Variants in SLC28A1 observed in about 807,000 individuals in gnomAD.
SLC28A1 encodes the protein solute carrier family 28 member 1.
SLC28A1 carries 64 observed loss-of-function variants against 74.8 expected under a neutral mutation model. That is an observed-to-expected ratio of 0.86 (90% CI 0.70 to 1.05). SLC28A1 has a LOEUF of 1.05. Among genes scored for constraint, SLC28A1 ranks in the 50% least tolerant of loss-of-function variants. The pLI is 0.00. For missense variants in SLC28A1, 828 were observed against 822.8 expected, an observed-to-expected ratio of 1.01 and a Z score of -0.08; for synonymous variants, 359 against 335.0, an observed-to-expected ratio of 1.07 and a Z score of -0.78.
At chr15:84,951,823 A>C in the SLC28A1 span, among the ~76,000 whole-genome samples, 1 of 152,170 alleles carries the variant, frequency 6.6e-6, no homozygotes, top group Non-Finnish European at 1.5e-5. Context: ...GACTTCAGAG[A>C]AAAAAGAGAG....
chr15:84,944,935 G>A, intron 18 of SLC28A1, 68 bp downstream of exon 18: 2 of 1,249,446 alleles, frequency 1.6e-6, no homozygotes, highest in Non-Finnish European at 2.4e-6. Context: ...AGCGCTGGGG[G>A]GGATGCCTTT....
In SLC28A1 at chr15:84,895,378, G is replaced by C; in HGVS notation, c.461+255G>C. 6.8e-6 allele frequency: 11 copies of C among 1,614,020 alleles called. No homozygotes were observed. The South Asian group carries it at 9.9e-5, about 15-fold the overall frequency. Reference sequence around the variant, plus strand: ...GGACTCAACAGTTTCCTCCATTCAGGGATCCCAGGCCATGGAGCAAGGAGG... The same window carrying C: ...GGACTCAACAGTTTCCTCCATTCAGCGATCCCAGGCCATGGAGCAAGGAGG... On this transcript the variant is annotated intron_variant, in intron 6 of 18. Coordinates refer to ENST00000394573, the MANE Select transcript of SLC28A1 (RefSeq NM_004213.5).
intron 8 of SLC28A1, among the ~76,000 whole-genome samples, chr15:84,906,577 C>CTTTCTTTCTTTCT (rs1567140848): frequency 3.1e-5 from 1 of 32,480 alleles, no homozygotes; most frequent in Non-Finnish European, 7.2e-5. Context: ...TTTCTTTCTT[C>CTTTCTTTCTTTCT]CTTCCTTCCT....
intron 12 of SLC28A1, among the ~76,000 whole-genome samples, chr15:84,928,519 GTTCGTTCGTTCTTTCTTTCTTTCT>G (rs1970765740): frequency 9.3e-5 from 4 of 42,942 alleles, no homozygotes; most frequent in African/African-American, 4.3e-4. Context: ...AAGCTCCCAG[GTTCGTTCGTTCTTTCTTTCTTTCT>G]TTCTTTCTTT....
chr15:84,919,206 T>C (rs1438394458), intron 10 of SLC28A1, among the ~76,000 whole-genome samples: 1 of 152,324 alleles, frequency 6.6e-6, no homozygotes, highest in East Asian at 1.9e-4. Context: ...CAGACTTAGC[T>C]GGTATAAATG....
At chr15:84,952,571 T>C in the SLC28A1 span, among the ~76,000 whole-genome samples, 4 of 152,202 alleles carry the variant, frequency 2.6e-5, no homozygotes, top group African/African-American at 9.6e-5. Flanking sequence ...CAGCAAAACT[T>C]CTGTTTTTCT....
the SLC28A1 span, among the ~76,000 whole-genome samples, chr15:84,956,468 C>CCTTCTTTCTTTCTTTCTTTCT: frequency 3.7e-4 from 25 of 67,122 alleles, no homozygotes; most frequent in African/African-American, 9.3e-4. Context: ...TCTTTCTTTC[C>CCTTCTTTCTTTCTTTCTTTCT]TTCTTTCTTT....
In SLC28A1 at chr15:84,890,442, G is replaced by T; in HGVS notation, c.186-1G>T. 1 of 1,606,540 alleles carries T rather than the reference G, an allele frequency of 6.2e-7. No homozygotes were observed. Among genetic ancestry groups the T allele is most frequent in the Non-Finnish European group, 8.5e-7 (1 of 1,177,600 alleles). ...ATGGACCCTGCTGGTCTTGTTCCCA[G>T]GAGGAACCTGCAGCCAGCCCTGAGA... On this transcript the variant is annotated splice_acceptor_variant, in intron 4 of 18. Coordinates refer to ENST00000394573, the MANE Select transcript of SLC28A1 (RefSeq NM_004213.5). LOFTEE classifies it high-confidence loss of function.
At chr15:84,948,866 G>A (rs1219986549), downstream of SLC28A1, among the ~76,000 whole-genome samples, 3 of 152,158 alleles carry the variant, frequency 2.0e-5, no homozygotes, top group Non-Finnish European at 4.4e-5. Flanking sequence ...CCACTTCTGA[G>A]AAGGTTCTTT....
chr15:84,912,806 G>GCACACACACA (rs199525878), intron 9 of SLC28A1, among the ~76,000 whole-genome samples: 203 of 112,276 alleles, frequency 1.8e-3, no homozygotes, highest in African/African-American at 4.6e-3. Flanking sequence ...TTGCGCGCGC[G>GCACACACACA]CACACACACA....
intron 8 of SLC28A1, 94 bp from the exon 9 acceptor site, chr15:84,908,624 C>T: frequency 9.1e-7 from 1 of 1,104,024 alleles, no homozygotes; most frequent in South Asian, 1.3e-5. Context: ...GACTACGTCC[C>T]TGGGCCAACC....
the SLC28A1 span, among the ~76,000 whole-genome samples, chr15:84,960,119 A>T: frequency 2.0e-5 from 3 of 152,068 alleles, no homozygotes; most frequent in African/African-American, 7.3e-5. Flanking sequence ...AATTCCAGGA[A>T]TACAGTGGCA....
chr15:84,885,237 G>T (rs983002206), intron 1 of SLC28A1, among the ~76,000 whole-genome samples: 2 of 150,582 alleles, frequency 1.3e-5, no homozygotes, highest in Non-Finnish European at 3.0e-5. Flanking sequence ...GGGAGTGCAG[G>T]CATGAGCCAC....
chr15:84,923,402 CTT>C (rs1970089622), intron 11 of SLC28A1, among the ~76,000 whole-genome samples: 1 of 151,824 alleles, frequency 6.6e-6, no homozygotes, highest in South Asian at 2.1e-4. Flanking sequence ...AAGGCAGGGA[CTT>C]TATCCTGTCG....
intron 6 of SLC28A1, among the ~76,000 whole-genome samples, chr15:84,898,268 A>G (rs1486944510): frequency 1.3e-5 from 2 of 152,148 alleles, no homozygotes; most frequent in African/African-American, 4.8e-5. Flanking sequence ...ATTTTGTCTC[A>G]ATAAAGCTGT....
At chr15:84,906,560 CTT>C (rs1567140386) in intron 8 of SLC28A1, among the ~76,000 whole-genome samples, 21 of 83,970 alleles carry the variant, frequency 2.5e-4, no homozygotes, top group African/African-American at 1.1e-3. Context: ...TTCTTTCTTT[CTT>C]TCTCTTTCTT....
downstream of SLC28A1, among the ~76,000 whole-genome samples, chr15:84,946,083 T>TGTATATATATATA (rs1321419859): frequency 3.0e-4 from 11 of 36,246 alleles, no homozygotes; most frequent in Non-Finnish European, 3.8e-4. Flanking sequence ...TGTGTGTATG[T>TGTATATATATATA]TCATATATAT....
chr15:84,923,847 C>A, intron 11 of SLC28A1, 138 bp from the exon 12 acceptor site: 2 of 1,124,016 alleles, frequency 1.8e-6, no homozygotes, highest in Non-Finnish European at 2.6e-6. Flanking sequence ...AGAAGCTCAG[C>A]CAAGTACAGA....
chr15:84,959,014 C>T, the SLC28A1 span, among the ~76,000 whole-genome samples: 7 of 146,566 alleles, frequency 4.8e-5, no homozygotes, highest in Non-Finnish European at 1.0e-4. Context: ...GCAGGAGAAT[C>T]GTTTGAACCC....
Sources: gnomAD v4.1 joint callset for allele counts (sites outside exome capture counted in the v4.1 genomes callset) on GRCh38, gnomAD v4.1.1 for gene constraint, MANE v1.5 for transcripts, NCBI Gene and HGNC (gene_info 2026-07-23, HGNC 2026-07-21) for gene names.